The following ZNF532 variants were observed in gnomAD, a reference collection of about 807,000 sequenced individuals.
The protein encoded by ZNF532 is zinc finger protein 532.
A neutral mutation model predicts 89.3 loss-of-function variants in ZNF532; 22 were observed. The ratio of observed to expected loss-of-function variants is 0.25; its 90% CI spans 0.18 to 0.35. The LOEUF (loss-of-function observed/expected upper bound fraction) is 0.35. Ranked by LOEUF, ZNF532 falls within the 10% of genes least tolerant of loss-of-function variation. The probability of loss-of-function intolerance (pLI) is 1.00; values close to 1 mark genes in which losing one functional copy is unlikely to be tolerated. For missense variants in ZNF532, 1,132 were observed against 1,643.4 expected (o/e 0.69, Z 5.38); for synonymous variants, 606 against 649.6 (o/e 0.93, Z 1.02).
intron 4 of ZNF532, among the ~76,000 whole-genome samples, chr18:58,936,243 A>G (rs960539719): frequency 2.0e-5 from 3 of 152,256 alleles, no homozygotes; most frequent in Non-Finnish European, 2.9e-5. Flanking sequence ...AGGATAATCA[A>G]AGGTGCCCCA....
chr18:58,878,147 C>T (rs1298499654), intron 2 of ZNF532, among the ~76,000 whole-genome samples: 1 of 151,988 alleles, frequency 6.6e-6, no homozygotes, highest in Non-Finnish European at 1.5e-5. Context: ...CCCAGCTACT[C>T]GGGAGGCTGA....
chr18:58,863,610 AGCCGCCGCC>A (rs560514596), upstream of ZNF532: 2 of 145,050 alleles, frequency 1.4e-5, no homozygotes, highest in Admixed American at 6.9e-5. Flanking sequence ...GTAACATGGA[AGCCGCCGCC>A]GCCGCCGCTC....
chr18:58,901,827 C>T (rs1460917771), intron 2 of ZNF532, among the ~76,000 whole-genome samples: 2 of 152,112 alleles, frequency 1.3e-5, no homozygotes, highest in South Asian at 2.1e-4. Flanking sequence ...CTGTTGGCTT[C>T]GCACCCCACC....
chr18:58,931,080 C>T (rs1012317253), intron 3 of ZNF532, among the ~76,000 whole-genome samples: 1 of 152,062 alleles, frequency 6.6e-6, no homozygotes, highest in Non-Finnish European at 1.5e-5. Context: ...TAAGGCTGCC[C>T]TAGAATAGAA....
chr18:58,913,187 A>C (rs1048445159), intron 2 of ZNF532, among the ~76,000 whole-genome samples: 1 of 152,184 alleles, frequency 6.6e-6, no homozygotes, highest in Non-Finnish European at 1.5e-5. Flanking sequence ...GAAATTCTAA[A>C]GATGTAAGAG....
At position 58,865,560 on chromosome 18, in the gene ZNF532, A is replaced by G. The variant is rs1033085272; in HGVS notation, c.-37A>G. 3.9e-5 allele frequency: 6 copies of G among 153,244 alleles called. No homozygotes were observed. Among genetic ancestry groups the G allele is most frequent in the Non-Finnish European group, 7.3e-5 (5 of 68,190 alleles). 9.5% of individuals were successfully genotyped at this position (153,244 alleles called of 1,614,324 possible). A position where few individuals can be genotyped will look rare whatever the true frequency, so the allele number is the denominator to read the frequency against. ...CTGAACATTGGTCTAAAGTCTTTCC[A>G]AAAGGTCAAGGTTCACAAGGTGAGA... On this transcript the variant is annotated 5_prime_UTR_variant, in exon 2 of 10. Transcript: ENST00000591808.
chr18:58,878,142 C>T (rs1359480303), intron 2 of ZNF532, among the ~76,000 whole-genome samples: 2 of 152,120 alleles, frequency 1.3e-5, no homozygotes, highest in Admixed American at 6.5e-5. Context: ...GTATTCCCAG[C>T]TACTCGGGAG....
intron 2 of ZNF532, among the ~76,000 whole-genome samples, chr18:58,914,516 C>T (rs941187375): frequency 6.6e-6 from 1 of 152,144 alleles, no homozygotes; most frequent in Non-Finnish European, 1.5e-5. Flanking sequence ...CCCGTCTCTA[C>T]TAAAAATACA....
At chr18:58,982,391 C>T (rs1372505104) in intron 9 of ZNF532, among the ~76,000 whole-genome samples, 5 of 151,926 alleles carry the variant, frequency 3.3e-5, no homozygotes, top group Admixed American at 2.0e-4. Flanking sequence ...GAAGCTGAGG[C>T]GGGCAGATCA....
intron 3 of ZNF532, among the ~76,000 whole-genome samples, chr18:58,928,245 T>G (rs1179076588): frequency 1.3e-5 from 2 of 152,138 alleles, no homozygotes; most frequent in African/African-American, 4.8e-5. Flanking sequence ...ACGCATGCCT[T>G]TAGCCTTCTG....
chr18:58,895,760 C>T (rs1342454028), intron 2 of ZNF532, among the ~76,000 whole-genome samples: 1 of 152,146 alleles, frequency 6.6e-6, no homozygotes, highest in East Asian at 1.9e-4. Context: ...TAGCCTGTTG[C>T]TGGTATTTAT....
intron 2 of ZNF532, among the ~76,000 whole-genome samples, chr18:58,869,722 GAGATTTTGGAAGATTTGTTTGGA>G (rs999061513): frequency 1.3e-5 from 2 of 151,368 alleles, no homozygotes; most frequent in Non-Finnish European, 2.9e-5. Context: ...GTGAAGAGGG[GAGATTTTGGAAGATTTGTTTGGA>G]AGATTTTGGA....
chr18:58,919,255 G>C lies in ZNF532; in HGVS notation c.968G>C (p.Gly323Ala), dbSNP rs557715297. 6.2e-7 allele frequency: 1 copy of C among 1,614,006 alleles called. No homozygotes were observed. The highest frequency in any genetic ancestry group is 2.2e-5 in the East Asian group (1 of 44,880). The part of the protein sequence containing the change: ...KSPESQNLID[G>A]TKKPSLKQPD... ...CCTGAATCCCAGAATCTCATCGACG[G>C]GACCAAAAAACCATCCCTGAAGCAA... is the stretch of plus-strand genomic sequence containing the variant. Residue 323 changes from glycine to alanine, a missense_variant, in exon 3 of 10, where the codon GGG becomes GCG. Gly to Ala is a moderately conservative substitution (Grantham distance 60). This residue lies in a region of ZNF532 where 124 missense variants were observed against 191.6 expected (regional missense o/e 0.65). Transcript: ENST00000591808. The surrounding 1 kb of genome is among the most constrained non-coding windows in gnomAD (Gnocchi z 6.1).
In ZNF532 at chr18:58,979,161, C is replaced by A. The variant is rs1350626221; in HGVS notation, c.3257C>A (p.Ala1086Asp). Residue 1086 changes from alanine to aspartate, a missense_variant, in exon 8 of 10, where the codon GCC (alanine) becomes GAC (aspartate). Physicochemically the swap from Ala to Asp is moderately radical, Grantham distance 126. This residue lies in a region of ZNF532 where 415 missense variants were observed against 604.8 expected (regional missense o/e 0.69). Transcript: ENST00000591808. ...IKHKGIRKVY[A>D]CSHCPDSRRT... ...CACAAAGGCATCAGGAAAGTGTACGCCTGCTCGTAAGTCCTGGTTTCTAAC... is the reference window on the plus strand; with the variant it reads ...CACAAAGGCATCAGGAAAGTGTACGACTGCTCGTAAGTCCTGGTTTCTAAC... 6.2e-7 allele frequency: 1 copy of A among 1,610,012 alleles called. No individual in the cohort carries two copies.
In ZNF532 at chr18:58,918,464, G is replaced by A; in HGVS notation, c.177G>A (p.Val59=). The A allele has an allele frequency of 6.2e-7, 1 of 1,614,172 alleles. No homozygotes were observed. The highest frequency in any genetic ancestry group is 8.5e-7 in the Non-Finnish European group (1 of 1,180,038). The change falls in exon 3 of 10, where the codon GTG becomes GTA. Residue 59 remains valine (V), a synonymous_variant. Coordinates refer to ENST00000591808, the MANE Select transcript of ZNF532 (RefSeq NM_001375912.1). ...DDSHAPSSSD[V]GVSVIVKNVR... is the part of the protein sequence containing the mutation. ...CCCACGCACCATCATCTTCTGATGT[G>A]GGTGTCAGCGTTATCGTCAAGAATG...
chr18:58,942,198 A>AT (rs1306537558), intron 5 of ZNF532, among the ~76,000 whole-genome samples: 2 of 150,858 alleles, frequency 1.3e-5, no homozygotes, highest in Non-Finnish European at 3.0e-5. Flanking sequence ...AATTTTTTGT[A>AT]TTTTTAGTAG....
chr18:58,894,498 T>G (rs1384358089), intron 2 of ZNF532, among the ~76,000 whole-genome samples: 1 of 151,882 alleles, frequency 6.6e-6, no homozygotes, highest in East Asian at 1.9e-4. Flanking sequence ...AAATAGACTT[T>G]CCTTGGTCTA....
chr18:58,943,005 A>G (rs1183440271), intron 5 of ZNF532, among the ~76,000 whole-genome samples: 1 of 152,062 alleles, frequency 6.6e-6, no homozygotes, highest in Non-Finnish European at 1.5e-5. Context: ...AATTTACTGC[A>G]TTTACTCTGT....
rs577999346 is a variant in ZNF532 at position 58,902,578 on chromosome 18, C to T, written c.-17-15693C>T. On this transcript the variant is annotated intron_variant, in intron 2 of 9. Transcript: ENST00000591808. ...TGTGATCTCGACTCACTGCAGCCTC[C>T]ACCTCCCGGGTTCAAGCGATTCTCC... Among the ~76,000 whole-genome samples, 5 of 151,658 alleles carry T rather than the reference C, an allele frequency of 3.3e-5. No homozygotes were observed. The East Asian group carries it at 9.7e-4, about 30-fold the overall frequency.
Sources: gnomAD v4.1 joint callset for allele counts (sites outside exome capture counted in the v4.1 genomes callset) on GRCh38, gnomAD v4.1.1 for gene constraint, gnomAD v4.1.1 regional missense constraint, Gnocchi (gnomAD v3.1) non-coding constraint, MANE v1.5 for transcripts, NCBI Gene and HGNC (gene_info 2026-07-23, HGNC 2026-07-21) for gene names.